Variants in OR10S1 observed in about 807,000 individuals in gnomAD.
OR10S1 encodes olfactory receptor 10S1.
For missense variants in OR10S1, 415 were observed against 407.9 expected, an observed-to-expected ratio of 1.02 and a Z score of -0.15; for synonymous variants, 167 against 164.1, an observed-to-expected ratio of 1.02 and a Z score of -0.13.
exon 1 of OR10S1, chr11:123,977,650 C>T (rs748517163): frequency 1.6e-5 from 25 of 1,602,956 alleles, no homozygotes; most frequent in African/African-American, 1.3e-4. Context: ...TGGGGTTCTC[C>T]GTTGTCATGG....
exon 1 of OR10S1, chr11:123,977,492 T>C (rs1351973205): frequency 6.2e-7 from 1 of 1,613,744 alleles, no homozygotes; most frequent in Non-Finnish European, 8.5e-7. Context: ...TAAGCTGAGG[T>C]GAGAGTCAGA....
chr11:123,976,964 C>T lies in OR10S1; in HGVS notation c.701G>A (p.Arg234His), dbSNP rs751606300. 2.7e-5 allele frequency: 43 copies of T among 1,613,788 alleles called. No individual in the cohort carries two copies. In the East Asian group the frequency reaches 3.3e-4, roughly 13 times the overall value. The change falls in exon 1 of 1, where the codon CGC (arginine) becomes CAC (histidine). Residue 234 changes from arginine to histidine, a missense_variant. Transcript: ENST00000641123. Reference sequence around the variant, plus strand: ...GGCCCGCTGCCGGCCCTGGGCTGTGCGGATGCGCAACACAGCTGCCACGAT... The same window carrying T: ...GGCCCGCTGCCGGCCCTGGGCTGTGTGGATGCGCAACACAGCTGCCACGAT...
chr11:123,976,666 C>A, exon 1 of OR10S1: 1 of 1,552,068 alleles, frequency 6.4e-7, no homozygotes, highest in Non-Finnish European at 8.7e-7. Context: ...GCTTTCCTGG[C>A]AGGCAAATTG....
At chr11:123,977,250 C>G (rs1863729082) in exon 1 of OR10S1, 1 of 1,614,170 alleles carries the variant, frequency 6.2e-7, no homozygotes, top group East Asian at 2.2e-5. Context: ...TTCATGGCCA[C>G]TGGGTAGTGC....
At chr11:123,977,207 G>T in exon 1 of OR10S1, 1 of 1,614,206 alleles carries the variant, frequency 6.2e-7, no homozygotes, top group Non-Finnish European at 8.5e-7. Context: ...TATGGCCCAG[G>T]TGATTCCAGC....
At chr11:123,976,762 C>T (rs1384306313) in exon 1 of OR10S1, 1 of 1,614,090 alleles carries the variant, frequency 6.2e-7, no homozygotes, top group Non-Finnish European at 8.5e-7. Context: ...GCAGAGCATG[C>T]TTCACCTCCT....
exon 1 of OR10S1, chr11:123,977,150 A>G (rs373905032): frequency 1.9e-6 from 3 of 1,614,218 alleles, no homozygotes; most frequent in Non-Finnish European, 2.5e-6. Context: ...CCCACAGTAG[A>G]GCAGGCGGAA....
chr11:123,976,832 G>C (rs1463670897), exon 1 of OR10S1: 3 of 1,614,062 alleles, frequency 1.9e-6, no homozygotes, highest in Non-Finnish European at 2.5e-6. Context: ...GTAGAAGACA[G>C]CAGGGGCCCC....
At chr11:123,976,662 C>A (rs776987676) in exon 1 of OR10S1, 2 of 1,549,754 alleles carry the variant, frequency 1.3e-6, no homozygotes, top group South Asian at 2.5e-5. Context: ...AGTTGCTTTC[C>A]TGGCAGGCAA....
At chr11:123,977,046 T>C (rs1388300988) in exon 1 of OR10S1, 1 of 1,614,200 alleles carries the variant, frequency 6.2e-7, no homozygotes, top group Non-Finnish European at 8.5e-7. Context: ...ATGCCAATGC[T>C]GGCAAGCATG....
chr11:123,977,006 A>T, exon 1 of OR10S1: 1 of 1,614,140 alleles, frequency 6.2e-7, no homozygotes, highest in South Asian at 1.1e-5. Flanking sequence ...GTAGGAAATA[A>T]CGATGAGGAT....
exon 1 of OR10S1, chr11:123,977,149 G>C (rs1344670612): frequency 2.5e-5 from 40 of 1,614,134 alleles, no homozygotes; most frequent in Non-Finnish European, 3.3e-5. Flanking sequence ...GCCCACAGTA[G>C]AGCAGGCGGA....
exon 1 of OR10S1, chr11:123,976,802 A>G: frequency 6.2e-7 from 1 of 1,614,166 alleles, no homozygotes; most frequent in Non-Finnish European, 8.5e-7. Flanking sequence ...GAATGGGTTG[A>G]GCATTGGAGT....
At chr11:123,977,695 C>T (rs1458801044) in exon 1 of OR10S1, 1 of 1,596,068 alleles carries the variant, frequency 6.3e-7, no homozygotes, top group Non-Finnish European at 8.5e-7. Flanking sequence ...TAGTCATCCC[C>T]TTTGCAACAA....
At chr11:123,977,049 C>T in exon 1 of OR10S1, 3 of 1,614,198 alleles carry the variant, frequency 1.9e-6, no homozygotes, top group Non-Finnish European at 2.5e-6. Context: ...CCAATGCTGG[C>T]AAGCATGACT....
chr11:123,977,330 A>G (rs1006514452), exon 1 of OR10S1: 6 of 1,614,046 alleles, frequency 3.7e-6, no homozygotes, highest in African/African-American at 1.3e-5. Context: ...AGTGCTGGCC[A>G]GAAAGTGGAA....
exon 1 of OR10S1, chr11:123,977,265 G>C (rs1470617330): frequency 1.2e-6 from 2 of 1,614,226 alleles, no homozygotes; most frequent in Middle Eastern, 1.6e-4. Context: ...TAGTGCAGGG[G>C]TTGACAGATA....
rs762279536 is a variant in OR10S1 at position 123,977,449 on chromosome 11, GA to G, written c.215del (p.Phe72SerfsTer9). 1 of 1,614,158 alleles carries G rather than the reference GA, an allele frequency of 6.2e-7. No homozygotes were observed. The highest frequency in any genetic ancestry group is 1.1e-5 in the South Asian group (1 of 91,080). On this transcript the variant is annotated frameshift_variant, in exon 1 of 1. Transcript: ENST00000641123. LOFTEE classifies it low-confidence loss of function (END_TRUNC). Reference sequence around the variant, plus strand: ...TCACTGTAGACAAACAGGCATCCAGGAAGGAGAGGTGCCCCAGGAAGTGGTA... The same window carrying G: ...TCACTGTAGACAAACAGGCATCCAGGAGGAGAGGTGCCCCAGGAAGTGGTA...
chr11:123,976,765 C>T (rs1863722475), exon 1 of OR10S1: 2 of 1,614,208 alleles, frequency 1.2e-6, no homozygotes, highest in African/African-American at 1.3e-5. Context: ...GAGCATGCTT[C>T]ACCTCCTTGT....
Sources: allele counts gnomAD v4.1 joint callset, GRCh38; gene constraint gnomAD v4.1.1; transcripts MANE v1.5; gene names NCBI Gene and HGNC (gene_info 2026-07-23, HGNC 2026-07-21).